Variants in ZFP62 observed in about 807,000 individuals in gnomAD.
ZFP62 encodes ZFP62 zinc finger protein, also known as zinc finger protein 62 homolog.
A neutral mutation model predicts 56.4 loss-of-function variants in ZFP62; 44 were observed. The ratio of observed to expected loss-of-function variants is 0.78; its 90% CI spans 0.61 to 1.00. The LOEUF is 1.00. Among genes scored for constraint, ZFP62 ranks in the 50% least tolerant of loss-of-function variants. ZFP62 has a pLI of 0.00. For missense variants in ZFP62, 1,030 were observed against 1,085.7 expected, an observed-to-expected ratio of 0.95 and a Z score of 0.72; for synonymous variants, 421 against 388.9, an observed-to-expected ratio of 1.08 and a Z score of -0.97.
chr5:180,827,688 G>A, the ZFP62 span, among the ~76,000 whole-genome samples: 1 of 152,182 alleles, frequency 6.6e-6, no homozygotes, highest in Non-Finnish European at 1.5e-5. Flanking sequence ...CACCCGTAAA[G>A]GGTCTGTGCT....
chr5:180,830,726 T>TAAGCAGAACAGCAGCTA, the ZFP62 span: 10 of 152,314 alleles, frequency 6.6e-5, no homozygotes, highest in African/African-American at 1.9e-4. Context: ...TGTCTGAGAT[T>TAAGCAGAACAGCAGCTA]AAGCAGAACA....
At chr5:180,854,935 T>C (rs1236210291) in intron 1 of ZFP62, among the ~76,000 whole-genome samples, 3 of 152,302 alleles carry the variant, frequency 2.0e-5, no homozygotes, top group East Asian at 1.9e-4. Context: ...AAAATTGTTA[T>C]AGAAAACAAT....
At chr5:180,843,047 A>C (rs1385876505), downstream of ZFP62, among the ~76,000 whole-genome samples, 9 of 149,612 alleles carry the variant, frequency 6.0e-5, no homozygotes, top group Admixed American at 6.0e-4. Flanking sequence ...TCTCCAAAAA[A>C]AAAAAATAAA....
the ZFP62 span, among the ~76,000 whole-genome samples, chr5:180,838,651 G>C: frequency 6.6e-6 from 1 of 152,120 alleles, no homozygotes; most frequent in African/African-American, 2.4e-5. Context: ...TTCTCAAATG[G>C]TTCAGGAAGG....
In ZFP62 at chr5:180,850,343, T is replaced by C. The variant is rs149387085; in HGVS notation, c.1152A>G (p.Lys384=). 23,664 of 1,570,920 alleles carry C rather than the reference T, an allele frequency of 0.015. 733 individuals are homozygous for C. The highest frequency in any genetic ancestry group is 0.13 in the East Asian group (5,743 of 42,558). The part of the protein sequence containing the change: ...FRNSSGLIVH[K]RIHTGEKPYK... ...AAGGTTTCTCTCCTGTGTGGATCCTTTTATGCACTATGAGGCCTGAGCTGT... is the reference window on the plus strand; with the variant it reads ...AAGGTTTCTCTCCTGTGTGGATCCTCTTATGCACTATGAGGCCTGAGCTGT... The change falls in exon 2 of 2, where the codon AAA becomes AAG. Residue 384 remains lysine, a synonymous_variant. Transcript: ENST00000502412.
In ZFP62 at chr5:180,849,465, A is replaced by C; in HGVS notation, c.2030T>G (p.Val677Gly). 2 of 1,551,868 alleles carry C rather than the reference A, an allele frequency of 1.3e-6. No individual in the cohort carries two copies. The highest frequency in any genetic ancestry group is 1.7e-6 in the Non-Finnish European group (2 of 1,147,084). ...GTGTGAGATGTAGGCTTTTCCACAC[A>C]CATCACATTCATAGGGCCTCTCCCC... ...HTGERPYECD[V>G]CGKAYISHSS... Residue 677 changes from valine (V) to glycine (G), a missense_variant, in exon 2 of 2, where the codon GTG becomes GGG. By Grantham distance (109) the Val-to-Gly change is moderately radical. Coordinates refer to ENST00000502412, the MANE Select transcript of ZFP62 (RefSeq NM_001172638.2).
chr5:180,848,602 G>A lies in ZFP62; in HGVS notation c.*190C>T, dbSNP rs1325943828. Reference sequence around the variant, plus strand: ...ATGGACTGTTTTATATCCTGTAAGAGCTGAACTACCTTGACACTGGAGCCT... The same window carrying A: ...ATGGACTGTTTTATATCCTGTAAGAACTGAACTACCTTGACACTGGAGCCT... On this transcript the variant is annotated 3_prime_UTR_variant, in exon 2 of 2. Coordinates refer to ENST00000502412, the MANE Select transcript of ZFP62 (RefSeq NM_001172638.2). 1.1e-5 allele frequency: 15 copies of A among 1,339,982 alleles called. No individual in the cohort carries two copies. Among genetic ancestry groups the A allele is most frequent in the Non-Finnish European group, 1.4e-5 (15 of 1,048,716 alleles). The allele number at this position is 1,339,982 out of a possible 1,614,324, so 83.0% of individuals were successfully genotyped here.
downstream of ZFP62, chr5:180,845,876 C>T (rs941451705): frequency 1.6e-5 from 16 of 985,332 alleles, no homozygotes; most frequent in Non-Finnish European, 1.7e-5. Context: ...TGTCTTCATA[C>T]ACAAAACATG....
the ZFP62 span, among the ~76,000 whole-genome samples, chr5:180,833,981 G>A: frequency 2.0e-5 from 3 of 152,128 alleles, no homozygotes; most frequent in Admixed American, 2.0e-4. Context: ...CATGGTATTT[G>A]TTATAGCAAC....
chr5:180,854,332 A>G lies in ZFP62; in HGVS notation c.2-2839T>C, dbSNP rs146984814. Among the ~76,000 whole-genome samples the G allele has an allele frequency of 4.6e-5, 7 of 152,206 alleles. No homozygotes were observed. In the East Asian group the frequency reaches 1.4e-3, roughly 29 times the overall value. The stretch of plus-strand genomic sequence containing the variant: ...ATAGTGATACATTATAAACCACTGA[A>G]GATAGGATTTCATGAGTCTACACAG... On this transcript the variant is annotated intron_variant, in intron 1 of 1. Transcript: ENST00000502412.
the ZFP62 span, among the ~76,000 whole-genome samples, chr5:180,827,940 TTTACC>T: frequency 4.6e-5 from 7 of 152,226 alleles, no homozygotes; most frequent in Admixed American, 1.3e-4. Context: ...CACTTGATTC[TTTACC>T]TTGTCTATGA....
chr5:180,856,765 T>A (rs1170161761), intron 1 of ZFP62, among the ~76,000 whole-genome samples: 1 of 150,380 alleles, frequency 6.6e-6, no homozygotes, highest in African/African-American at 2.5e-5. Context: ...CCATCCTGGC[T>A]AACACCGTGA....
the ZFP62 span, among the ~76,000 whole-genome samples, chr5:180,842,375 G>GC: frequency 6.6e-6 from 1 of 151,998 alleles, no homozygotes; most frequent in Non-Finnish European, 1.5e-5. Context: ...AAATTTAAAA[G>GC]CCCAGAGTAT....
intron 1 of ZFP62, among the ~76,000 whole-genome samples, chr5:180,860,973 G>A (rs957628585): frequency 6.6e-6 from 1 of 152,268 alleles, no homozygotes; most frequent in South Asian, 2.1e-4. Context: ...TTCAAACGTC[G>A]CAGTTGTGGC....
chr5:180,848,166 AT>A lies in ZFP62; in HGVS notation c.*625del. ...CATTTTTTATGAGTGACTCTCTCCTATCTCCTGTTAGACTTGTAAGTCTATG... is the reference window on the plus strand; with the variant it reads ...CATTTTTTATGAGTGACTCTCTCCTACTCCTGTTAGACTTGTAAGTCTATG... On this transcript the variant is annotated 3_prime_UTR_variant, in exon 2 of 2. Transcript: ENST00000502412. The A allele has an allele frequency of 1.0e-6, 1 of 985,366 alleles. No individual in the cohort carries two copies. Among genetic ancestry groups the A allele is most frequent in the South Asian group, 4.7e-5 (1 of 21,286 alleles). The allele number at this position is 985,366 out of a possible 1,614,324, so 61.0% of individuals were successfully genotyped here. A position where few individuals can be genotyped will look rare whatever the true frequency, so the allele number is the denominator to read the frequency against.
the ZFP62 span, among the ~76,000 whole-genome samples, chr5:180,837,818 A>C: frequency 2.6e-5 from 4 of 152,084 alleles, no homozygotes; most frequent in African/African-American, 9.7e-5. Flanking sequence ...CTCCTTTTCA[A>C]TTTCTGTCAA....
rs1773507098 is a variant in ZFP62 at position 180,848,641 on chromosome 5, T to C, written c.*151A>G. On this transcript the variant is annotated 3_prime_UTR_variant, in exon 2 of 2. Coordinates refer to ENST00000502412, the MANE Select transcript of ZFP62 (RefSeq NM_001172638.2). ...ACACTGGAGCCTTTCTTGCTTGCTATGATTGAAAATCACATAGAAAGGATT... is the reference window on the plus strand; with the variant it reads ...ACACTGGAGCCTTTCTTGCTTGCTACGATTGAAAATCACATAGAAAGGATT... The C allele has an allele frequency of 7.3e-7, 1 of 1,376,390 alleles. No homozygotes were observed. The highest frequency in any genetic ancestry group is 9.4e-7 in the Non-Finnish European group (1 of 1,066,648). The allele number at this position is 1,376,390 out of a possible 1,614,324, so 85.3% of individuals were successfully genotyped here.
the ZFP62 span, among the ~76,000 whole-genome samples, chr5:180,827,112 C>G: frequency 3.0e-4 from 46 of 152,216 alleles, no homozygotes; most frequent in Non-Finnish European, 1.0e-4. Context: ...AGACACCAAA[C>G]ACACTGGCTT....
chr5:180,848,320 A>G lies in ZFP62; in HGVS notation c.*472T>C, dbSNP rs895599015. ...ATATTAAATAAATTTATATTCCCTGAAACCTATCCTCCCTGAATTTGCCTG... is the reference window on the plus strand; with the variant it reads ...ATATTAAATAAATTTATATTCCCTGGAACCTATCCTCCCTGAATTTGCCTG... On this transcript the variant is annotated 3_prime_UTR_variant, in exon 2 of 2. Transcript: ENST00000502412. 2 of 986,340 alleles carry G rather than the reference A, an allele frequency of 2.0e-6. No homozygotes were observed. Among genetic ancestry groups the G allele is most frequent in the African/African-American group, 3.5e-5 (2 of 57,246 alleles). 61.1% of individuals were successfully genotyped at this position (986,340 alleles called of 1,614,324 possible). A position where few individuals can be genotyped will look rare whatever the true frequency, so the allele number is the denominator to read the frequency against.
Sources: gnomAD v4.1 joint callset for allele counts (sites outside exome capture counted in the v4.1 genomes callset) on GRCh38, gnomAD v4.1.1 for gene constraint, MANE v1.5 for transcripts, NCBI Gene and HGNC (gene_info 2026-07-23, HGNC 2026-07-21) for gene names.